TAF4B: variants seen among roughly 807,000 people sequenced by gnomAD.
TAF4B encodes transcription initiation factor TFIID subunit 4B.
TAF4B carries 38 observed loss-of-function variants against 86.4 expected under a neutral mutation model. The ratio of observed to expected loss-of-function variants is 0.44; its 90% CI spans 0.34 to 0.58. The LOEUF is 0.58. TAF4B is among the 20% of genes least tolerant of loss of function. TAF4B has a pLI of 0.02. For synonymous variants in TAF4B, 388 were observed against 391.2 expected (o/e 0.99, Z 0.10); for missense variants, 988 against 1,027.6 (o/e 0.96, Z 0.53).
intron 1 of TAF4B, chr18:26,256,485 A>C (rs769008948): frequency 1.8e-5 from 11 of 616,996 alleles, no homozygotes; most frequent in Non-Finnish European, 3.1e-5. Context: ...GATTTTTCTC[A>C]GTTGTTTTTC....
intron 1 of TAF4B, among the ~76,000 whole-genome samples, chr18:26,241,934 C>A (rs944519778): frequency 5.9e-5 from 9 of 152,000 alleles, no homozygotes; most frequent in African/African-American, 1.9e-4. Context: ...GTTTGATTGC[C>A]CTGTGGTCTG....
At chr18:26,368,124 T>G (rs943763725) in intron 14 of TAF4B, among the ~76,000 whole-genome samples, 1 of 152,206 alleles carries the variant, frequency 6.6e-6, no homozygotes, top group Non-Finnish European at 1.5e-5. Flanking sequence ...TATAAAACAT[T>G]TATTTAAGTA....
At position 26,286,086 on chromosome 18, in the gene TAF4B, G is replaced by C; in HGVS notation, c.1177G>C (p.Val393Leu). ...AGCAACAGCACCCAGAACTGTGTCA[G>C]TGCAAACTTTGAACCCACTTGCTGG... ...SGATAPRTVS[V>L]QTLNPLAGPV... Residue 393 changes from valine (V) to leucine (L), a missense_variant, in exon 7 of 15, where the codon GTG becomes CTG. This residue lies in a region of TAF4B where 747 missense variants were observed against 737.9 expected (regional missense o/e 1.01). Transcript: ENST00000269142. 1.9e-6 allele frequency: 3 copies of C among 1,614,230 alleles called. No individual in the cohort carries two copies. Among genetic ancestry groups the C allele is most frequent in the Non-Finnish European group, 2.5e-6 (3 of 1,180,036 alleles).
chr18:26,276,029 A>G (rs1198222585), intron 5 of TAF4B, among the ~76,000 whole-genome samples: 4 of 149,002 alleles, frequency 2.7e-5, no homozygotes, highest in African/African-American at 7.4e-5. Context: ...AAAAAAAAAA[A>G]AAAGAAAAGA....
At chr18:26,317,110 A>G (rs1029692722) in intron 10 of TAF4B, among the ~76,000 whole-genome samples, 1 of 148,520 alleles carries the variant, frequency 6.7e-6, no homozygotes, top group African/African-American at 2.5e-5. Flanking sequence ...GCTCACTATA[A>G]CCTCCGCCTC....
At chr18:26,351,156 AT>A (rs1161252354) in intron 13 of TAF4B, among the ~76,000 whole-genome samples, 29 of 152,202 alleles carry the variant, frequency 1.9e-4, no homozygotes, top group Admixed American at 1.8e-3. Context: ...AAAATGTGCT[AT>A]ATATACACAG....
At chr18:26,231,916 G>A (rs1017601888) in intron 1 of TAF4B, among the ~76,000 whole-genome samples, 5 of 152,128 alleles carry the variant, frequency 3.3e-5, no homozygotes, top group African/African-American at 7.2e-5. Context: ...CCCCTCCCAC[G>A]TTCTGTTTCT....
chr18:26,315,138 C>CTCTCTG (rs2056892181), intron 9 of TAF4B, 91 bp from the exon 10 acceptor site: 30 of 217,762 alleles, frequency 1.4e-4, no homozygotes, highest in African/African-American at 1.1e-3. Context: ...CTCTCTCTCT[C>CTCTCTG]TCTCTCTGTC....
intron 1 of TAF4B, among the ~76,000 whole-genome samples, chr18:26,262,781 G>A (rs1447005607): frequency 2.0e-5 from 3 of 151,824 alleles, no homozygotes; most frequent in East Asian, 1.9e-4. Context: ...ATACCTGACC[G>A]GTTTCCAAAA....
chr18:26,368,693 A>G (rs545092309), intron 14 of TAF4B, among the ~76,000 whole-genome samples: 1 of 151,870 alleles, frequency 6.6e-6, no homozygotes, highest in African/African-American at 2.4e-5. Flanking sequence ...TAGACAAAGC[A>G]GCTCCTTATA....
chr18:26,256,490 T>C, intron 1 of TAF4B: 1 of 615,202 alleles, frequency 1.6e-6, no homozygotes, highest in South Asian at 2.0e-5. Context: ...TTCTCAGTTG[T>C]TTTTCTATTC....
chr18:26,341,719 A>G (rs1446820845), intron 13 of TAF4B, among the ~76,000 whole-genome samples: 1 of 152,122 alleles, frequency 6.6e-6, no homozygotes, highest in Non-Finnish European at 1.5e-5. Flanking sequence ...AATAGATTCT[A>G]AACTGTTTGA....
intron 10 of TAF4B, among the ~76,000 whole-genome samples, chr18:26,316,184 A>G (rs1396885257): frequency 6.6e-6 from 1 of 152,140 alleles, no homozygotes; most frequent in African/African-American, 2.4e-5. Flanking sequence ...TGAGCTTCAA[A>G]TATACTTAAG....
chr18:26,313,721 A>C (rs1199187909), intron 9 of TAF4B, among the ~76,000 whole-genome samples: 1 of 151,810 alleles, frequency 6.6e-6, no homozygotes, highest in Non-Finnish European at 1.5e-5. Context: ...GCTACAGTGC[A>C]GTGGCCTGAT....
intron 13 of TAF4B, among the ~76,000 whole-genome samples, chr18:26,344,939 C>T (rs2057164585): frequency 1.3e-5 from 2 of 152,128 alleles, no homozygotes; most frequent in South Asian, 4.1e-4. Flanking sequence ...GAGAGACTTC[C>T]CATTGCAGGG....
At chr18:26,338,310 G>A (rs1299755774) in intron 13 of TAF4B, among the ~76,000 whole-genome samples, 1 of 151,696 alleles carries the variant, frequency 6.6e-6, no homozygotes, top group Non-Finnish European at 1.5e-5. Context: ...TTAGCTGAGT[G>A]TGGTGGTGCA....
intron 1 of TAF4B, among the ~76,000 whole-genome samples, chr18:26,230,647 C>T (rs1323032138): frequency 1.3e-5 from 2 of 152,184 alleles, no homozygotes; most frequent in Non-Finnish European, 2.9e-5. Context: ...AGGTTAGGTT[C>T]TCCTGTTACG....
At chr18:26,361,370 C>T (rs1428471899) in intron 14 of TAF4B, among the ~76,000 whole-genome samples, 1 of 151,126 alleles carries the variant, frequency 6.6e-6, no homozygotes, top group African/African-American at 2.4e-5. Flanking sequence ...AGCAGTCCTC[C>T]CACTTCTGCC....
rs370416603 is a variant in TAF4B, at chr18:26,292,281, A to C, written c.1626A>C (p.Gln542His). The C allele has an allele frequency of 1.7e-5, 28 of 1,614,018 alleles. No homozygotes were observed. In the African/African-American group the frequency reaches 3.2e-4, roughly 18 times the overall value. The change falls in exon 8 of 15, where the codon CAA becomes CAC. Residue 542 changes from glutamine (Q) to histidine (H), a missense_variant. Physicochemically the swap from Gln to His is conservative, Grantham distance 24. This residue lies in a region of TAF4B where 747 missense variants were observed against 737.9 expected (regional missense o/e 1.01). Transcript: ENST00000269142. ...VQQPSGGNEKQVTTISHSSTL... is the reference protein window; with the variant it reads ...VQQPSGGNEKHVTTISHSSTL... ...AGCCTTCAGGAGGCAATGAAAAACAAGTGACCACAATTTCACATTCCTCAA... is the reference window on the plus strand; with the variant it reads ...AGCCTTCAGGAGGCAATGAAAAACACGTGACCACAATTTCACATTCCTCAA...
Sources: gnomAD v4.1 joint callset for allele counts (sites outside exome capture counted in the v4.1 genomes callset) on GRCh38, gnomAD v4.1.1 for gene constraint, gnomAD v4.1.1 regional missense constraint, MANE v1.5 for transcripts, NCBI Gene and HGNC (gene_info 2026-07-23, HGNC 2026-07-21) for gene names.